Variants in CEPT1 observed in about 807,000 individuals in gnomAD.
The protein encoded by CEPT1 is choline/ethanolamine phosphotransferase 1.
CEPT1 carries 7 observed loss-of-function variants against 42.6 expected under a neutral mutation model. The ratio of observed to expected loss-of-function variants is 0.16; its 90% confidence interval spans 0.09 to 0.31. The LOEUF is 0.31. CEPT1 is among the 10% of genes least tolerant of loss of function. The pLI is 1.00. For synonymous variants in CEPT1, 171 were observed against 171.9 expected, an observed-to-expected ratio of 0.99 and a Z score of 0.04; for missense variants, 306 against 502.1, an observed-to-expected ratio of 0.61 and a Z score of 3.73.
chr1:111,163,134 T>C (rs1655955523), intron 4 of CEPT1, among the ~76,000 whole-genome samples: 1 of 152,082 alleles, frequency 6.6e-6, no homozygotes, highest in African/African-American at 2.4e-5. Flanking sequence ...ACTAGAGTGC[T>C]TGCAAGGCTT....
chr1:111,179,448 T>G (rs886787812), intron 5 of CEPT1: 4 of 152,188 alleles, frequency 2.6e-5, no homozygotes, highest in African/African-American at 4.8e-5. Flanking sequence ...TGGATGCACT[T>G]TGGCCACCTT....
rs767129718 is a variant in CEPT1, at chr1:111,184,444, G to A, written c.*134G>A. 2.2e-5 allele frequency: 14 copies of A among 634,228 alleles called. No individual in the cohort carries two copies. The highest frequency in any genetic ancestry group is 3.8e-5 in the African/African-American group (2 of 53,086). The allele number at this position is 634,228 out of a possible 1,614,324, so 39.3% of individuals were successfully genotyped here. A position where few individuals can be genotyped will look rare whatever the true frequency, so the allele number is the denominator to read the frequency against. On this transcript the variant is annotated 3_prime_UTR_variant, in exon 9 of 9. Transcript: ENST00000357172. ...GTATAACTTTTATTCTTTATTATTG[G>A]TAACACGCCCTAACTATCCTGTGTG...
upstream of CEPT1, chr1:111,139,675 A>AG (rs1557910531): frequency 6.6e-6 from 1 of 152,400 alleles, no homozygotes; most frequent in Non-Finnish European, 1.5e-5. Context: ...GCCTGGGACC[A>AG]GGAAAAGACG....
intron 1 of CEPT1, among the ~76,000 whole-genome samples, 161 bp from the exon 2 acceptor site, chr1:111,147,481 A>G (rs1211548955): frequency 1.3e-5 from 2 of 152,030 alleles, no homozygotes; most frequent in Non-Finnish European, 2.9e-5. Flanking sequence ...TTCAATAAGA[A>G]CTAGAACCAA....
At chr1:111,174,984 T>A in intron 5 of CEPT1, 21 bp downstream of exon 5, 1 of 1,424,724 alleles carries the variant, frequency 7.0e-7, no homozygotes, top group African/African-American at 1.4e-5. Flanking sequence ...TCACATTGTG[T>A]ATCCCATGTA....
chr1:111,182,863 A>C lies in CEPT1; in HGVS notation c.911A>C (p.Tyr304Ser), dbSNP rs1389539309. The C allele has an allele frequency of 4.3e-6, 7 of 1,613,428 alleles. No homozygotes were observed. Among genetic ancestry groups the C allele is most frequent in the Non-Finnish European group, 5.9e-6 (7 of 1,179,470 alleles). ...GTGATTACATTAGCTGCAATGATCT[A>C]CAAGAAATCTGCAGTTCAGCTTTTT... Reference protein sequence around the residue: ...GSVITLAAMIYKKSAVQLFEK... With the variant: ...GSVITLAAMISKKSAVQLFEK... Residue 304 changes from tyrosine to serine, a missense_variant, in exon 7 of 9, where the codon TAC (tyrosine) becomes TCC (serine). By Grantham distance (144) the Tyr-to-Ser change is moderately radical. Coordinates refer to ENST00000357172, the MANE Select transcript of CEPT1 (RefSeq NM_006090.5).
Position 111,172,026 on chromosome 1 carries a change from C to G in CEPT1, c.630-2853C>G, listed in dbSNP as rs538781830. 5.9e-5 allele frequency among the ~76,000 whole-genome samples: 9 copies of G among 152,364 alleles called. 1 individual carries two copies. The South Asian group carries it at 1.7e-3, about 28-fold the overall frequency. ...GTGCTGGGATTACAGGCGTGAGCCA[C>G]CACGCCCAGCCAGGAGATTATTTTA... On this transcript the variant is annotated intron_variant, in intron 4 of 8. Transcript: ENST00000357172.
chr1:111,163,970 TTACA>T (rs1324345591), intron 4 of CEPT1, among the ~76,000 whole-genome samples: 1 of 152,322 alleles, frequency 6.6e-6, no homozygotes, highest in South Asian at 2.1e-4. Context: ...ATTTTGATGT[TTACA>T]TACATAAGTG....
At chr1:111,159,848 T>A in intron 3 of CEPT1, 1 of 185,496 alleles carries the variant, frequency 5.4e-6, no homozygotes, top group African/African-American at 2.4e-5. Flanking sequence ...GTTAGGTAAT[T>A]TGTGGTCTTC....
chr1:111,161,185 T>C lies in CEPT1; in HGVS notation c.518T>C (p.Val173Ala). ...GTGGTTCTTGGAACTTGTATTGCAG[T>C]GCAGCTGGGGACAAACCCTGATTGG... ...VFVVLGTCIA[V>A]QLGTNPDWMF... is the part of the protein sequence containing the mutation. Residue 173 changes from valine (V) to alanine (A), a missense_variant, in exon 4 of 9, where the codon GTG becomes GCG. Physicochemically the swap from Val to Ala is moderately conservative, Grantham distance 64 (BLOSUM62 0). Transcript: ENST00000357172. 1 of 1,614,130 alleles carries C rather than the reference T, an allele frequency of 6.2e-7. No individual in the cohort carries two copies. Among genetic ancestry groups the C allele is most frequent in the Non-Finnish European group, 8.5e-7 (1 of 1,179,996 alleles).
chr1:111,151,055 G>A (rs1217312784), intron 2 of CEPT1, among the ~76,000 whole-genome samples: 1 of 152,020 alleles, frequency 6.6e-6, no homozygotes, highest in Non-Finnish European at 1.5e-5. Context: ...ACTATGGCCT[G>A]TGACACAGCC....
rs1222503326 is a variant in CEPT1 at position 111,147,669 on chromosome 1, A to G, written c.-46A>G. The G allele has an allele frequency of 7.1e-7, 1 of 1,415,670 alleles. No homozygotes were observed. The highest frequency in any genetic ancestry group is 9.6e-7 in the Non-Finnish European group (1 of 1,045,534). 87.7% of individuals were successfully genotyped at this position (1,415,670 alleles called of 1,614,324 possible). On this transcript the variant is annotated 5_prime_UTR_variant, in exon 2 of 9. Coordinates refer to ENST00000357172, the MANE Select transcript of CEPT1 (RefSeq NM_006090.5). ...AAGCACCAGCCACAAAAACCTACAA[A>G]AGAAGGGAAATTACTGTCTTTAAAT... is the stretch of plus-strand genomic sequence containing the variant.
At position 111,156,568 on chromosome 1, in the gene CEPT1, G is replaced by A. The variant is rs181936183; in HGVS notation, c.340-2812G>A. 7.0e-4 allele frequency among the ~76,000 whole-genome samples: 106 copies of A among 152,062 alleles called. 1 individual carries two copies. Among genetic ancestry groups the A allele is most frequent in the Middle Eastern group, 6.8e-3 (2 of 294 alleles). On this transcript the variant is annotated intron_variant, in intron 2 of 8. Coordinates refer to ENST00000357172, the MANE Select transcript of CEPT1 (RefSeq NM_006090.5). ...AAAACACTAACGATAGCTGATGAGC[G>A]GGGAAAAAAAAATCTTATAATGTTT...
At chr1:111,163,738 A>T (rs1419677522) in intron 4 of CEPT1, among the ~76,000 whole-genome samples, 1 of 152,224 alleles carries the variant, frequency 6.6e-6, no homozygotes, top group East Asian at 1.9e-4. Flanking sequence ...ATACATATAG[A>T]TATCCCTAAA....
intron 2 of CEPT1, among the ~76,000 whole-genome samples, chr1:111,157,638 G>T (rs1655642005): frequency 6.6e-6 from 1 of 152,174 alleles, no homozygotes; most frequent in South Asian, 2.1e-4. Context: ...TCAGTTCAGT[G>T]TGCTTGCATG....
intron 3 of CEPT1, chr1:111,160,058 T>C (rs1334589071): frequency 6.6e-6 from 1 of 152,250 alleles, no homozygotes; most frequent in Non-Finnish European, 1.5e-5. Context: ...TGGGACATGA[T>C]GGATAGGTTA....
At chr1:111,157,144 T>C (rs1655615287) in intron 2 of CEPT1, among the ~76,000 whole-genome samples, 1 of 152,196 alleles carries the variant, frequency 6.6e-6, no homozygotes. Context: ...AATATTAGTG[T>C]ATCATTGTGC....
chr1:111,159,532 T>C lies in CEPT1; in HGVS notation c.487+5T>C, dbSNP rs1255190499. On this transcript the variant is annotated splice_donor_5th_base_variant and intron_variant, in intron 3 of 8. Coordinates refer to ENST00000357172, the MANE Select transcript of CEPT1 (RefSeq NM_006090.5). ...GCTGTGATTCACTATCAACAGGTAT[T>C]GTTGATTTTTTTAATGTTATTGATT... 1.9e-6 allele frequency: 3 copies of C among 1,604,124 alleles called. No homozygotes were observed. The highest frequency in any genetic ancestry group is 2.5e-6 in the Non-Finnish European group (3 of 1,177,150).
chr1:111,167,120 A>G (rs1656182256), intron 4 of CEPT1: 1 of 985,202 alleles, frequency 1.0e-6, no homozygotes, highest in Admixed American at 6.1e-5. Flanking sequence ...GATGTTACAG[A>G]GTCCCAGATC....
Sources: gnomAD v4.1 joint callset for allele counts (sites outside exome capture counted in the v4.1 genomes callset) on GRCh38, gnomAD v4.1.1 for gene constraint, MANE v1.5 for transcripts, NCBI Gene and HGNC (gene_info 2026-07-23, HGNC 2026-07-21) for gene names.